Variants in GHRL observed in about 807,000 individuals in gnomAD.
The protein encoded by GHRL is appetite-regulating hormone.
GHRL carries 24 observed loss-of-function variants against 16.9 expected under a neutral mutation model. That is an observed-to-expected ratio of 1.42 (90% CI 1.03 to 2.00). GHRL has a LOEUF of 2.00. Ranked by LOEUF, GHRL falls within the 30% of genes most tolerant of loss-of-function variation. The pLI is 0.00. For synonymous variants in GHRL, 63 were observed against 58.2 expected (o/e 1.08, Z -0.37); for missense variants, 193 against 142.1 (o/e 1.36, Z -1.82).
chr3:10,290,954 GGAACA>G lies in GHRL; in HGVS notation c.-273_-269del. 1.0e-6 allele frequency: 1 copy of G among 985,794 alleles called. No individual in the cohort carries two copies. The highest frequency in any genetic ancestry group is 1.2e-6 in the Non-Finnish European group (1 of 830,130). The allele number at this position is 985,794 out of a possible 1,614,324, so 61.1% of individuals were successfully genotyped here. On this transcript the variant is annotated 5_prime_UTR_variant, in exon 2 of 6. The change creates a premature stop within an existing upstream ORF in the 5' untranslated region. Transcript: ENST00000335542. ...AGAAGCATGTGCTCCAGCTGTCCCT[GGAACA>G]CGGTGGCGGGGTGCCCCAAGTGGGC...
At chr3:10,286,179 T>G (rs1699036178) in intron 5 of GHRL, among the ~76,000 whole-genome samples, 1 of 152,216 alleles carries the variant, frequency 6.6e-6, no homozygotes, top group South Asian at 2.1e-4. Context: ...TTTGCAGATG[T>G]GCAGGTGTTT....
At chr3:10,290,691 C>T (rs898668301) in intron 2 of GHRL, 25 bp downstream of exon 2, 9 of 1,006,498 alleles carry the variant, frequency 8.9e-6, no homozygotes, top group Non-Finnish European at 1.1e-5. Context: ...TCAGCAAACG[C>T]ACACGGAGAG....
At chr3:10,288,894 C>CT (rs1170390585) in intron 4 of GHRL, among the ~76,000 whole-genome samples, 1 of 152,206 alleles carries the variant, frequency 6.6e-6, no homozygotes, top group Non-Finnish European at 1.5e-5. Context: ...CCACACACCG[C>CT]TGTGGTACCT....
At position 10,291,234 on chromosome 3, in the gene GHRL, T is replaced by C. The variant is rs895718160; in HGVS notation, c.-548A>G. 35 of 985,218 alleles carry C rather than the reference T, an allele frequency of 3.6e-5. No individual in the cohort carries two copies. The South Asian group carries it at 1.4e-3, about 40-fold the overall frequency. 61.0% of individuals were successfully genotyped at this position (985,218 alleles called of 1,614,324 possible). A position where few individuals can be genotyped will look rare whatever the true frequency, so the allele number is the denominator to read the frequency against. ...GATTCTACACCTTCCCGAGGAGGAG[T>C]CCCACCTCCCGGTTGAGCAGACTGC... On this transcript the variant is annotated 5_prime_UTR_variant, in exon 2 of 6. Coordinates refer to ENST00000335542, the MANE Select transcript of GHRL (RefSeq NM_016362.5).
intron 4 of GHRL, 98 bp downstream of exon 4, chr3:10,289,664 G>A (rs1425380022): frequency 1.2e-5 from 10 of 808,712 alleles, no homozygotes; most frequent in Non-Finnish European, 2.0e-5. Flanking sequence ...GGAGCTTGTA[G>A]TTGGGACCCT....
Position 10,290,146 on chromosome 3 carries a change from A to G in GHRL, c.35T>C (p.Leu12Pro). Reference protein sequence around the residue: ...PSPGTVCSLLLLGMLWLDLAM... With the variant: ...PSPGTVCSLLPLGMLWLDLAM... ...CAAGTCCAGCCAGAGCATGCCGAGG[A>G]GCAGGAGGCTGCAGACGGTCCCTGG... Residue 12 changes from leucine (L) to proline (P), a missense_variant, in exon 3 of 6, where the codon CTC (leucine) becomes CCC (proline). Leu to Pro is a moderately conservative substitution (Grantham distance 98). Transcript: ENST00000335542. 1 of 1,613,162 alleles carries G rather than the reference A, an allele frequency of 6.2e-7. No homozygotes were observed. Among genetic ancestry groups the G allele is most frequent in the South Asian group, 1.1e-5 (1 of 90,840 alleles).
At chr3:10,289,992 G>A (rs1395511158) in intron 3 of GHRL, 81 bp downstream of exon 3, 3 of 1,548,872 alleles carry the variant, frequency 1.9e-6, no homozygotes, top group Non-Finnish European at 2.7e-6. Context: ...CCCAGAGATG[G>A]CGCTGCTGCT....
intron 1 of GHRL, 39 bp downstream of exon 1, chr3:10,292,803 G>A (rs779329214): frequency 1.7e-4 from 214 of 1,224,706 alleles, no homozygotes; most frequent in Non-Finnish European, 2.3e-4. Flanking sequence ...CCTAACTGTG[G>A]TGACCAGGTA....
At chr3:10,289,179 C>A (rs1426091666) in intron 4 of GHRL, among the ~76,000 whole-genome samples, 1 of 152,228 alleles carries the variant, frequency 6.6e-6, no homozygotes, top group African/African-American at 2.4e-5. Flanking sequence ...CCGTAAAATC[C>A]TTTACTCCCT....
At chr3:10,288,502 C>A (rs57819667) in intron 4 of GHRL, among the ~76,000 whole-genome samples, 3,397 of 152,344 alleles carry the variant, frequency 0.022, 123 homozygotes, top group African/African-American at 0.076. Flanking sequence ...CATCTGGGTA[C>A]TGGGCAGCTC....
At position 10,291,019 on chromosome 3, in the gene GHRL, CTCTGGGG is replaced by C. The variant is rs1053520384; in HGVS notation, c.-340_-334del. 1.0e-6 allele frequency: 1 copy of C among 985,576 alleles called. No homozygotes were observed. The highest frequency in any genetic ancestry group is 1.7e-5 in the African/African-American group (1 of 57,232). The allele number at this position is 985,576 out of a possible 1,614,324, so 61.1% of individuals were successfully genotyped here. A position where few individuals can be genotyped will look rare whatever the true frequency, so the allele number is the denominator to read the frequency against. ...GTGGAGGAGGGAGGGAGGAGAGTGG[CTCTGGGG>C]TCTGGGTGCAGCTTTGTTGCTGTGT... On this transcript the variant is annotated 5_prime_UTR_variant, in exon 2 of 6. Transcript: ENST00000335542.
intron 2 of GHRL, 67 bp downstream of exon 2, chr3:10,290,649 C>T (rs1281705789): frequency 2.3e-5 from 19 of 834,292 alleles, no homozygotes; most frequent in Non-Finnish European, 2.6e-5. Context: ...AGAGGTTAAA[C>T]GGACGGGCAG....
chr3:10,292,294 C>T (rs1700117246), intron 1 of GHRL: 1 of 153,248 alleles, frequency 6.5e-6, no homozygotes, highest in Non-Finnish European at 1.5e-5. Context: ...GATATGCCAT[C>T]TGGCTCCATA....
At chr3:10,292,542 G>A (rs1412980316) in intron 1 of GHRL, 3 of 393,790 alleles carry the variant, frequency 7.6e-6, no homozygotes, top group Non-Finnish European at 1.4e-5. Context: ...AGTACCTCCT[G>A]TTGGTAAACA....
In GHRL at chr3:10,292,710, A is replaced by G. The variant is rs192250589; in HGVS notation, c.-766+132T>C. On this transcript the variant is annotated intron_variant, in intron 1 of 5. Coordinates refer to ENST00000335542, the MANE Select transcript of GHRL (RefSeq NM_016362.5). ...GAGGCTGAATGTGGAGAGGGTGGAG[A>G]GAGGTCTGTAGTCCTCAGAGAAGAC... 727 of 637,606 alleles carry G rather than the reference A, an allele frequency of 1.1e-3. 2 individuals are homozygous for G. The highest frequency in any genetic ancestry group is 7.8e-3 in the Admixed American group (246 of 31,624). 39.5% of individuals were successfully genotyped at this position (637,606 alleles called of 1,614,324 possible). A position where few individuals can be genotyped will look rare whatever the true frequency, so the allele number is the denominator to read the frequency against.
At chr3:10,286,000 G>T in intron 5 of GHRL, 106 bp from the exon 6 acceptor site, 1 of 997,212 alleles carries the variant, frequency 1.0e-6, no homozygotes, top group Non-Finnish European at 1.6e-6. Context: ...GGGGTTGTGG[G>T]GAAGCACTGG....
intron 1 of GHRL, chr3:10,292,093 G>GGA (rs1257745139): frequency 1.3e-5 from 2 of 152,218 alleles, no homozygotes. Flanking sequence ...GGATTCTTGA[G>GGA]GAGAGAGAGA....
At position 10,287,912 on chromosome 3, in the gene GHRL, GAA is replaced by G. The variant is rs778793605; in HGVS notation, c.226-1102_226-1101del. 4 of 90,410 alleles carry G rather than the reference GAA, an allele frequency of 4.4e-5. 1 individual carries two copies. Among genetic ancestry groups the G allele is most frequent in the African/African-American group, 1.6e-4 (3 of 18,596 alleles). The allele number at this position is 90,410 out of a possible 1,614,324, so 5.6% of individuals were successfully genotyped here. Reference sequence around the variant, plus strand: ...GGACCCAGTGGGGAATGACATGATTGAATTTTTTTTTTTTTTTTTTTTTTTTT... The same window carrying G: ...GGACCCAGTGGGGAATGACATGATTGTTTTTTTTTTTTTTTTTTTTTTTTT... On this transcript the variant is annotated intron_variant, in intron 4 of 5. Coordinates refer to ENST00000335542, the MANE Select transcript of GHRL (RefSeq NM_016362.5).
Position 10,290,116 on chromosome 3 carries a change from A to G in GHRL, c.65T>C (p.Met22Thr), listed in dbSNP as rs1393283820. Reference sequence around the variant, plus strand: ...AGGGCTCAGGAAGCTGGAGCCTGCCATGGCCAAGTCCAGCCAGAGCATGCC... The same window carrying G: ...AGGGCTCAGGAAGCTGGAGCCTGCCGTGGCCAAGTCCAGCCAGAGCATGCC... ...LLGMLWLDLAMAGSSFLSPEH... is the reference protein window; with the variant it reads ...LLGMLWLDLATAGSSFLSPEH... The change falls in exon 3 of 6, where the codon ATG becomes ACG. Residue 22 changes from methionine (M) to threonine (T), a missense_variant. Transcript: ENST00000335542. The G allele has an allele frequency of 3.1e-6, 5 of 1,613,248 alleles. No homozygotes were observed. Among genetic ancestry groups the G allele is most frequent in the Non-Finnish European group, 2.5e-6 (3 of 1,179,868 alleles).
Sources: gnomAD v4.1 joint callset for allele counts (sites outside exome capture counted in the v4.1 genomes callset) on GRCh38, gnomAD v4.1.1 for gene constraint, MANE v1.5 for transcripts, NCBI Gene and HGNC (gene_info 2026-07-23, HGNC 2026-07-21) for gene names.